Variants in ALK observed in about 807,000 individuals in gnomAD.
The protein encoded by ALK is ALK receptor tyrosine kinase, also known as ALK tyrosine kinase receptor.
A neutral mutation model predicts 163.1 loss-of-function variants in ALK; 74 were observed. That is an observed-to-expected ratio of 0.45 (90% confidence interval 0.38 to 0.55). The LOEUF (loss-of-function observed/expected upper bound fraction) is 0.55, where lower values mean the gene tolerates loss of function less well. Among genes scored for constraint, ALK ranks in the 20% least tolerant of loss-of-function variants. The pLI, the probability that ALK is intolerant of heterozygous loss-of-function variation, is 0.00. For missense variants in ALK, 2,063 were observed against 2,105.3 expected, an observed-to-expected ratio of 0.98 and a Z score of 0.39; for synonymous variants, 960 against 843.2, an observed-to-expected ratio of 1.14 and a Z score of -2.40.
chr2:29,732,272 A>T (rs1019680133), intron 1 of ALK, among the ~76,000 whole-genome samples: 1 of 152,212 alleles, frequency 6.6e-6, no homozygotes, highest in Non-Finnish European at 1.5e-5. Context: ...GTGACTATTA[A>T]ATCTGCCACT....
intron 4 of ALK, among the ~76,000 whole-genome samples, chr2:29,409,373 C>T (rs1208471023): frequency 1.3e-5 from 2 of 152,172 alleles, no homozygotes; most frequent in Non-Finnish European, 2.9e-5. Flanking sequence ...AGTCTCAGTG[C>T]TGCTTTCTGT....
intron 1 of ALK, among the ~76,000 whole-genome samples, chr2:29,888,820 T>A (rs941820772): frequency 6.6e-6 from 1 of 152,258 alleles, no homozygotes; most frequent in Admixed American, 6.5e-5. Context: ...CTAAGATGTT[T>A]CCTCACAATC....
chr2:29,850,397 GA>G (rs896178005), intron 1 of ALK, among the ~76,000 whole-genome samples: 1 of 152,078 alleles, frequency 6.6e-6, no homozygotes, highest in African/African-American at 2.4e-5. Flanking sequence ...GTGTTCATTT[GA>G]AAAAAATTCT....
chr2:29,244,681 G>C (rs1412331924), intron 12 of ALK, among the ~76,000 whole-genome samples: 1 of 152,224 alleles, frequency 6.6e-6, no homozygotes, highest in Non-Finnish European at 1.5e-5. Flanking sequence ...GAGCATCGGT[G>C]GTGGAGGTTG....
intron 3 of ALK, among the ~76,000 whole-genome samples, chr2:29,541,544 G>A (rs1352855838): frequency 6.6e-6 from 1 of 152,162 alleles, no homozygotes; most frequent in Non-Finnish European, 1.5e-5. Context: ...ACCTGCCTTA[G>A]CTTCCCAAAG....
intron 1 of ALK, among the ~76,000 whole-genome samples, chr2:29,739,891 A>C (rs1680005354): frequency 1.3e-5 from 2 of 152,112 alleles, no homozygotes; most frequent in Non-Finnish European, 2.9e-5. Flanking sequence ...ACAGCAGTAC[A>C]AGAAACTCTA....
At chr2:29,312,873 T>C (rs1666730380) in intron 8 of ALK, among the ~76,000 whole-genome samples, 1 of 152,228 alleles carries the variant, frequency 6.6e-6, no homozygotes, top group African/African-American at 2.4e-5. Flanking sequence ...ATTCTGTCAC[T>C]GCAGAGATGT....
chr2:29,428,419 T>G (rs1395066490), intron 4 of ALK, among the ~76,000 whole-genome samples: 1 of 151,612 alleles, frequency 6.6e-6, no homozygotes, highest in Non-Finnish European at 1.5e-5. Flanking sequence ...ATATCAGAAA[T>G]GGAAGAGGGG....
At chr2:29,660,551 T>C (rs975808255) in intron 3 of ALK, among the ~76,000 whole-genome samples, 6 of 150,844 alleles carry the variant, frequency 4.0e-5, no homozygotes, top group African/African-American at 1.5e-4. Flanking sequence ...GTGGTGGAGA[T>C]GGGGTGTGAT....
In ALK at chr2:29,193,743, GGAGGTGGTAGGCA is replaced by G. The variant is rs776665264; in HGVS notation, c.4331_4343del (p.Leu1444ProfsTer29). ...TGGGTTTCTTTGCAGCCTTGCCAGA[GGAGGTGGTAGGCA>G]GAGGTGGTGGGGCAGCTGGGCTGCG... On this transcript the variant is annotated frameshift_variant, in exon 29 of 29. Coordinates refer to ENST00000389048, the MANE Select transcript of ALK (RefSeq NM_004304.5). LOFTEE classifies it low-confidence loss of function (END_TRUNC). 1 of 1,601,294 alleles carries G rather than the reference GGAGGTGGTAGGCA, an allele frequency of 6.2e-7. No individual in the cohort carries two copies. The highest frequency in any genetic ancestry group is 1.1e-5 in the South Asian group (1 of 89,404).
In ALK at chr2:29,540,113, A is replaced by G. The variant is rs541119238; in HGVS notation, c.953-7997T>C. Reference sequence around the variant, plus strand: ...TGACTGAAATGGTATATTTTCAAATATGATCAGACTGCTTTGAGGAATTTA... The same window carrying G: ...TGACTGAAATGGTATATTTTCAAATGTGATCAGACTGCTTTGAGGAATTTA... On this transcript the variant is annotated intron_variant, in intron 3 of 28. Transcript: ENST00000389048. Among the ~76,000 whole-genome samples, 6 of 152,310 alleles carry G rather than the reference A, an allele frequency of 3.9e-5. No homozygotes were observed. In the South Asian group the frequency reaches 6.2e-4, roughly 16 times the overall value.
intron 23 of ALK, among the ~76,000 whole-genome samples, chr2:29,214,941 A>C (rs1669561114): frequency 6.6e-6 from 1 of 152,206 alleles, no homozygotes; most frequent in Non-Finnish European, 1.5e-5. Context: ...TGCTGGACAC[A>C]CACTGGGGGT....
chr2:29,562,869 G>C (rs979901831), intron 3 of ALK, among the ~76,000 whole-genome samples: 2 of 152,224 alleles, frequency 1.3e-5, no homozygotes, highest in African/African-American at 4.8e-5. Flanking sequence ...GGGCTTAACA[G>C]ATTCGAAAGG....
chr2:29,559,310 T>G (rs1208194357), intron 3 of ALK, among the ~76,000 whole-genome samples: 1 of 152,154 alleles, frequency 6.6e-6, no homozygotes, highest in African/African-American at 2.4e-5. Context: ...TATTAGAAAT[T>G]TAGAGAGCCA....
intron 1 of ALK, among the ~76,000 whole-genome samples, chr2:29,759,525 G>A (rs1680641336): frequency 6.6e-6 from 1 of 152,190 alleles, no homozygotes; most frequent in Non-Finnish European, 1.5e-5. Context: ...AGGATACAGT[G>A]CAGGAATCTT....
At chr2:29,250,955 C>T in intron 12 of ALK, 150 bp downstream of exon 12, 1 of 721,424 alleles carries the variant, frequency 1.4e-6, no homozygotes, top group East Asian at 2.7e-5. Context: ...ATCTCCCCAT[C>T]TCCAACCTTT....
intron 1 of ALK, among the ~76,000 whole-genome samples, chr2:29,907,802 T>G (rs1349947076): frequency 6.6e-6 from 1 of 152,216 alleles, no homozygotes; most frequent in Admixed American, 6.5e-5. Flanking sequence ...TGCTTTCATG[T>G]GCATCCCAGA....
chr2:29,527,875 T>C (rs1015003316), intron 4 of ALK, among the ~76,000 whole-genome samples: 4 of 152,092 alleles, frequency 2.6e-5, no homozygotes, highest in African/African-American at 4.8e-5. Flanking sequence ...CTGGGCTTCA[T>C]GTTCCCCATC....
intron 1 of ALK, among the ~76,000 whole-genome samples, chr2:29,836,287 A>G (rs938959760): frequency 6.6e-6 from 1 of 152,158 alleles, no homozygotes; most frequent in Non-Finnish European, 1.5e-5. Context: ...AAAATATACA[A>G]ACCTCAAAAA....
Sources: gnomAD v4.1 joint callset for allele counts (sites outside exome capture counted in the v4.1 genomes callset) on GRCh38, gnomAD v4.1.1 for gene constraint, MANE v1.5 for transcripts, NCBI Gene and HGNC (gene_info 2026-07-23, HGNC 2026-07-21) for gene names.